ATP8B4: variants seen among roughly 807,000 people sequenced by gnomAD.
The protein encoded by ATP8B4 is probable phospholipid-transporting ATPase IM.
In ATP8B4, 133 loss-of-function variants were observed where a neutral mutation model predicts 145.6. The observed-to-expected ratio is 0.91, with a 90% CI of 0.79 to 1.05. The LOEUF is 1.05. Among genes scored for constraint, ATP8B4 ranks in the 50% least tolerant of loss-of-function variants. The pLI is 0.00. For missense variants in ATP8B4, 1,458 were observed against 1,425.2 expected (o/e 1.02, Z -0.37); for synonymous variants, 507 against 492.9 (o/e 1.03, Z -0.38).
At chr15:50,091,346 T>A (rs950448070) in intron 2 of ATP8B4, among the ~76,000 whole-genome samples, 6 of 152,198 alleles carry the variant, frequency 3.9e-5, no homozygotes, top group African/African-American at 1.4e-4. Flanking sequence ...TCTGTAGTAA[T>A]GGTTGTATGG....
At chr15:49,881,841 T>A (rs1347518325) in intron 23 of ATP8B4, among the ~76,000 whole-genome samples, 1 of 152,200 alleles carries the variant, frequency 6.6e-6, no homozygotes, top group Non-Finnish European at 1.5e-5. Context: ...AACAAATGCA[T>A]CTTCATCAAA....
chr15:50,112,346 C>A (rs1235992253), intron 1 of ATP8B4, among the ~76,000 whole-genome samples: 1 of 152,138 alleles, frequency 6.6e-6, no homozygotes, highest in East Asian at 1.9e-4. Flanking sequence ...TAGGGAGTAA[C>A]TGAAGTGTCC....
At chr15:50,112,509 T>C (rs2056993675) in intron 1 of ATP8B4, among the ~76,000 whole-genome samples, 2 of 152,050 alleles carry the variant, frequency 1.3e-5, no homozygotes, top group Admixed American at 6.5e-5. Context: ...CCAGATCTCC[T>C]TCTATGCTCC....
At chr15:50,119,752 CTTTTTTTTTTT>C (rs572570694), upstream of ATP8B4, among the ~76,000 whole-genome samples, 7 of 91,606 alleles carry the variant, frequency 7.6e-5, no homozygotes, top group Non-Finnish European at 1.0e-4. Flanking sequence ...GTTTTTGTCA[CTTTTTTTTTTT>C]TTTTTTTTTT....
chr15:49,944,350 A>G (rs577884555), intron 14 of ATP8B4, among the ~76,000 whole-genome samples: 3 of 152,308 alleles, frequency 2.0e-5, no homozygotes, highest in East Asian at 3.9e-4. Flanking sequence ...AAGGACACAC[A>G]TAGTCTAAAA....
chr15:49,949,207 T>C (rs2042845285), intron 14 of ATP8B4, among the ~76,000 whole-genome samples: 1 of 152,200 alleles, frequency 6.6e-6, no homozygotes, highest in Non-Finnish European at 1.5e-5. Flanking sequence ...CTGTGAAGAA[T>C]GACAATGGTA....
At chr15:49,886,560 T>C (rs1019518851) in intron 23 of ATP8B4, among the ~76,000 whole-genome samples, 1 of 152,218 alleles carries the variant, frequency 6.6e-6, no homozygotes, top group Non-Finnish European at 1.5e-5. Flanking sequence ...TATAATAAAC[T>C]ATGGTAGCCA....
chr15:49,969,792 T>TA (rs2044916291), intron 13 of ATP8B4, among the ~76,000 whole-genome samples: 1 of 152,156 alleles, frequency 6.6e-6, no homozygotes. Flanking sequence ...CTCATCCTGA[T>TA]ACCAAAACTG....
At chr15:50,178,355 G>T (rs542112808) in intron 1 of ATP8B4, among the ~76,000 whole-genome samples, 14 of 152,170 alleles carry the variant, frequency 9.2e-5, no homozygotes, top group Non-Finnish European at 1.5e-4. Context: ...CAAAGTCCAA[G>T]ATCTGGCTCT....
chr15:49,972,665 T>C lies in ATP8B4; in HGVS notation c.1160A>G (p.Glu387Gly). Residue 387 changes from glutamate to glycine, a missense_variant, in exon 13 of 28, where the codon GAG (glutamate) becomes GGG (glycine). Glu to Gly is a moderately conservative substitution (Grantham distance 98, BLOSUM62 -2). Transcript: ENST00000284509. ...TTLNEELGQI[E>G]YIFSDKTGTL... is the part of the protein sequence containing the mutation. Reference sequence around the variant, plus strand: ...ACCCGTTTTGTCGGAGAAAATGTACTCAATCTGCCCCAGTTCCTCATTGAG... The same window carrying C: ...ACCCGTTTTGTCGGAGAAAATGTACCCAATCTGCCCCAGTTCCTCATTGAG... 6.2e-7 allele frequency: 1 copy of C among 1,614,060 alleles called. No homozygotes were observed. Among genetic ancestry groups the C allele is most frequent in the African/African-American group, 1.3e-5 (1 of 75,034 alleles).
At chr15:50,107,745 CT>C (rs1211030489) in intron 1 of ATP8B4, among the ~76,000 whole-genome samples, 5 of 152,116 alleles carry the variant, frequency 3.3e-5, no homozygotes, top group Admixed American at 1.3e-4. Flanking sequence ...GACTGGTTTG[CT>C]TCCTGCTCAG....
intron 1 of ATP8B4, among the ~76,000 whole-genome samples, chr15:50,141,408 G>A (rs936810158): frequency 1.3e-5 from 2 of 152,124 alleles, no homozygotes; most frequent in African/African-American, 4.8e-5. Context: ...CAAAAAGTTT[G>A]GGTAGAAATT....
chr15:50,111,213 T>C lies in ATP8B4; in HGVS notation c.-42-4205A>G, dbSNP rs1184947259. ...TTAAAATGGAGAGTCTCTTTAATGA[T>C]CTGAGGCCGTTCAGCAGTCAAGTTA... On this transcript the variant is annotated intron_variant, in intron 1 of 27. Transcript: ENST00000284509. Among the ~76,000 whole-genome samples, 5 of 152,296 alleles carry C rather than the reference T, an allele frequency of 3.3e-5. No individual in the cohort carries two copies. In the East Asian group the frequency reaches 9.7e-4, roughly 29 times the overall value.
intron 1 of ATP8B4, among the ~76,000 whole-genome samples, chr15:50,138,793 G>A (rs923666661): frequency 4.6e-5 from 7 of 151,858 alleles, no homozygotes; most frequent in African/African-American, 7.3e-5. Flanking sequence ...CCATACAACC[G>A]CCACTTTCTC....
At chr15:50,066,176 A>G (rs1321113586) in intron 3 of ATP8B4, among the ~76,000 whole-genome samples, 1 of 152,122 alleles carries the variant, frequency 6.6e-6, no homozygotes, top group Non-Finnish European at 1.5e-5. Flanking sequence ...AGAGATATCC[A>G]AAAAATATAT....
chr15:50,174,551 C>T (rs1387219506), intron 1 of ATP8B4, among the ~76,000 whole-genome samples: 2 of 80,410 alleles, frequency 2.5e-5, no homozygotes, highest in African/African-American at 8.6e-5. Flanking sequence ...ACAATCACTG[C>T]AAAAAAAAAA....
At chr15:50,085,541 T>C (rs576916640) in intron 2 of ATP8B4, among the ~76,000 whole-genome samples, 2 of 152,134 alleles carry the variant, frequency 1.3e-5, no homozygotes, top group Admixed American at 1.3e-4. Flanking sequence ...CAAGATCACA[T>C]GGCAACATGA....
intron 2 of ATP8B4, among the ~76,000 whole-genome samples, chr15:50,089,070 G>T (rs143573616): frequency 6.6e-6 from 1 of 152,168 alleles, no homozygotes; most frequent in Admixed American, 6.5e-5. Context: ...GAACTGGCTA[G>T]CCATATGCAG....
At chr15:50,123,643 G>T (rs1405379283), upstream of ATP8B4, among the ~76,000 whole-genome samples, 1 of 152,114 alleles carries the variant, frequency 6.6e-6, no homozygotes, top group Non-Finnish European at 1.5e-5. Context: ...ACTGATTTGA[G>T]TAATAATAAA....
Sources: gnomAD v4.1 joint callset for allele counts (sites outside exome capture counted in the v4.1 genomes callset) on GRCh38, gnomAD v4.1.1 for gene constraint, MANE v1.5 for transcripts, NCBI Gene and HGNC (gene_info 2026-07-23, HGNC 2026-07-21) for gene names.